Variants in KIAA1958 observed in about 807,000 individuals in gnomAD.
KIAA1958 encodes the protein uncharacterized protein KIAA1958.
KIAA1958 carries 14 observed loss-of-function variants against 47.2 expected under a neutral mutation model. That is an observed-to-expected ratio of 0.30 (90% CI 0.20 to 0.46). The LOEUF is 0.46. Among genes scored for constraint, KIAA1958 ranks in the 20% least tolerant of loss-of-function variants. KIAA1958 has a pLI of 1.00. For missense variants in KIAA1958, 803 were observed against 909.2 expected, an observed-to-expected ratio of 0.88 and a Z score of 1.50; for synonymous variants, 354 against 353.3, an observed-to-expected ratio of 1.00 and a Z score of -0.02.
intron 1 of KIAA1958, among the ~76,000 whole-genome samples, chr9:112,572,817 G>A (rs1835562510): frequency 6.6e-6 from 1 of 152,218 alleles, no homozygotes; most frequent in African/African-American, 2.4e-5. Context: ...GACCTTAATA[G>A]TATGTTAAAG....
chr9:112,612,899 T>A lies in KIAA1958; in HGVS notation c.1172-32751T>A, dbSNP rs1264695009. ...GTAGGGAGTTAGGAAACTGGAAAAA[T>A]TCTGTTATATCCATATATAATAGAA... On this transcript the variant is annotated intron_variant, in intron 2 of 3. Transcript: ENST00000337530. Among the ~76,000 whole-genome samples the A allele has an allele frequency of 3.3e-5, 5 of 152,256 alleles. No individual in the cohort carries two copies. In the East Asian group the frequency reaches 9.7e-4, roughly 29 times the overall value.
intron 3 of KIAA1958, among the ~76,000 whole-genome samples, chr9:112,647,719 T>C (rs543046888): frequency 6.6e-6 from 1 of 152,352 alleles, no homozygotes; most frequent in South Asian, 2.1e-4. Context: ...ACAATTCTTT[T>C]TAGACAGAAT....
intron 2 of KIAA1958, among the ~76,000 whole-genome samples, chr9:112,633,155 C>G (rs1398266719): frequency 6.6e-6 from 1 of 151,104 alleles, no homozygotes; most frequent in African/African-American, 2.4e-5. Context: ...CTTACAAATA[C>G]TAACTTACAA....
chr9:112,501,360 T>C (rs1261526808), intron 1 of KIAA1958, among the ~76,000 whole-genome samples: 1 of 152,000 alleles, frequency 6.6e-6, no homozygotes, highest in Non-Finnish European at 1.5e-5. Context: ...GAAGGATCAC[T>C]TGAGCCCAGG....
chr9:112,615,715 T>C (rs1191702717), intron 2 of KIAA1958, among the ~76,000 whole-genome samples: 1 of 152,164 alleles, frequency 6.6e-6, no homozygotes, highest in African/African-American at 2.4e-5. Context: ...TGTCAAAATA[T>C]GCATAAGACA....
chr9:112,508,707 C>T (rs2132775862), intron 1 of KIAA1958, among the ~76,000 whole-genome samples: 1 of 152,290 alleles, frequency 6.6e-6, no homozygotes, highest in African/African-American at 2.4e-5. Flanking sequence ...AGCTGAAAGT[C>T]ATGTTGTAAA....
intron 1 of KIAA1958, among the ~76,000 whole-genome samples, chr9:112,524,173 G>A (rs182366518): frequency 3.3e-5 from 5 of 152,368 alleles, no homozygotes; most frequent in Admixed American, 1.3e-4. Context: ...TTGTGTGTGC[G>A]TGAGATTTGA....
chr9:112,499,141 G>A (rs1013376908), intron 1 of KIAA1958, among the ~76,000 whole-genome samples: 18 of 152,118 alleles, frequency 1.2e-4, no homozygotes, highest in African/African-American at 4.3e-4. Flanking sequence ...TCCATGCATC[G>A]GTTGATGGAC....
At chr9:112,499,426 T>C (rs1440371493) in intron 1 of KIAA1958, among the ~76,000 whole-genome samples, 3 of 152,180 alleles carry the variant, frequency 2.0e-5, no homozygotes, top group Admixed American at 2.0e-4. Flanking sequence ...TTTTAAGGAA[T>C]GTTCTGCTTT....
intron 2 of KIAA1958, among the ~76,000 whole-genome samples, chr9:112,584,827 C>G (rs1050240117): frequency 3.9e-5 from 6 of 152,156 alleles, no homozygotes; most frequent in Non-Finnish European, 8.8e-5. Flanking sequence ...GAACCTGGCC[C>G]CCTCCTTGTG....
chr9:112,488,908 T>C (rs1375470404), intron 1 of KIAA1958, among the ~76,000 whole-genome samples: 1 of 152,244 alleles, frequency 6.6e-6, no homozygotes, highest in East Asian at 1.9e-4. Context: ...CCTAATTTTG[T>C]AAATGCCTGG....
intron 1 of KIAA1958, among the ~76,000 whole-genome samples, chr9:112,539,384 T>C (rs1834903688): frequency 6.6e-6 from 1 of 152,250 alleles, no homozygotes; most frequent in Non-Finnish European, 1.5e-5. Context: ...TGCTACCATA[T>C]GGGTTAACCT....
chr9:112,610,120 G>T (rs955848720), intron 2 of KIAA1958, among the ~76,000 whole-genome samples: 6 of 151,538 alleles, frequency 4.0e-5, no homozygotes, highest in South Asian at 2.1e-4. Flanking sequence ...ATTTTTTTTT[G>T]ATTCAAAAGT....
intron 1 of KIAA1958, among the ~76,000 whole-genome samples, chr9:112,557,502 G>A (rs1368151975): frequency 6.6e-6 from 1 of 152,214 alleles, no homozygotes; most frequent in Non-Finnish European, 1.5e-5. Context: ...TCAGCAGCCA[G>A]GAAGATGTCT....
At position 112,645,874 on chromosome 9, in the gene KIAA1958, A is replaced by C. The variant is rs758889565; in HGVS notation, c.1344+52A>C. 1.9e-6 allele frequency: 3 copies of C among 1,540,808 alleles called. No individual in the cohort carries two copies. In the South Asian group the frequency reaches 3.6e-5, roughly 18 times the overall value. ...TCAGCCAACTTCACTGAGCTTCCAA[A>C]TGCCAGGCACTGTGCTAAGCATTGT... On this transcript the variant is annotated intron_variant, in intron 3 of 3. Transcript: ENST00000337530.
chr9:112,618,857 T>C lies in KIAA1958; in HGVS notation c.1172-26793T>C. ...GGCTGCCCAGTCAGTGGCCGGCCAC[T>C]CCAACAATGGCAATTTCATCGTCTC... On this transcript the variant is annotated intron_variant, in intron 2 of 3. Coordinates refer to ENST00000337530, the MANE Select transcript of KIAA1958 (RefSeq NM_133465.4). This position sits in a 1 kb window ranked among gnomAD's most constrained non-coding sequence, Gnocchi z 7.1. 1 of 1,549,562 alleles carries C rather than the reference T, an allele frequency of 6.5e-7. No homozygotes were observed. Among genetic ancestry groups the C allele is most frequent in the Non-Finnish European group, 8.7e-7 (1 of 1,146,100 alleles).
chr9:112,618,318 A>G lies in KIAA1958; in HGVS notation c.1172-27332A>G, dbSNP rs760681418. On this transcript the variant is annotated intron_variant, in intron 2 of 3. Coordinates refer to ENST00000337530, the MANE Select transcript of KIAA1958 (RefSeq NM_133465.4). The surrounding 1 kb of genome is among the most constrained non-coding windows in gnomAD (Gnocchi z 7.1). ...GGACTGCTAAGCCGATATAACCCCG[A>G]GGGTTTGCTCAACCTAGTCTGGCTC... 6.4e-7 allele frequency: 1 copy of G among 1,551,200 alleles called. No individual in the cohort carries two copies. Among genetic ancestry groups the G allele is most frequent in the South Asian group, 1.2e-5 (1 of 84,060 alleles).
chr9:112,626,089 A>G (rs1249200851), intron 2 of KIAA1958, among the ~76,000 whole-genome samples: 1 of 152,210 alleles, frequency 6.6e-6, no homozygotes, highest in Non-Finnish European at 1.5e-5. Context: ...CAAAAGGATC[A>G]AATTTCTATC....
At chr9:112,575,471 A>C (rs904932996) in intron 2 of KIAA1958, among the ~76,000 whole-genome samples, 1 of 151,896 alleles carries the variant, frequency 6.6e-6, no homozygotes, top group African/African-American at 2.4e-5. Flanking sequence ...CTGAGAGGAC[A>C]GCTGTAAGAT....
Sources: allele counts gnomAD v4.1 joint callset (sites outside exome capture counted in the v4.1 genomes callset), GRCh38; gene constraint gnomAD v4.1.1; non-coding constraint Gnocchi (gnomAD v3.1); transcripts MANE v1.5; gene names NCBI Gene and HGNC (gene_info 2026-07-23, HGNC 2026-07-21).